Variants in HPSE2 observed in about 807,000 individuals in gnomAD.
HPSE2 encodes inactive heparanase-2.
In HPSE2, 38 loss-of-function variants were observed where a neutral mutation model predicts 60.5. The ratio of observed to expected loss-of-function variants is 0.63; its 90% CI spans 0.48 to 0.82. The LOEUF (loss-of-function observed/expected upper bound fraction) is 0.82, where lower values mean the gene tolerates loss of function less well. HPSE2 is among the 40% of genes least tolerant of loss of function. The probability of loss-of-function intolerance (pLI) is 0.00; values close to 1 mark genes in which losing one functional copy is unlikely to be tolerated. For missense variants in HPSE2, 713 were observed against 740.4 expected, an observed-to-expected ratio of 0.96 and a Z score of 0.43; for synonymous variants, 295 against 293.2, an observed-to-expected ratio of 1.01 and a Z score of -0.06.
At chr10:98,464,834 G>A (rs970298018) in intron 11 of HPSE2, among the ~76,000 whole-genome samples, 1 of 152,164 alleles carries the variant, frequency 6.6e-6, no homozygotes, top group African/African-American at 2.4e-5. Flanking sequence ...TTGTTGGCTT[G>A]TGGAGATGTT....
intron 2 of HPSE2, among the ~76,000 whole-genome samples, chr10:99,150,979 T>G (rs1199702621): frequency 1.3e-5 from 2 of 151,968 alleles, no homozygotes; most frequent in Non-Finnish European, 2.9e-5. Flanking sequence ...CTATGCAGAC[T>G]CAGAGGCAAA....
chr10:98,850,948 G>C (rs894320646), intron 3 of HPSE2, among the ~76,000 whole-genome samples: 3 of 152,176 alleles, frequency 2.0e-5, no homozygotes, highest in African/African-American at 7.2e-5. Flanking sequence ...AAATAGATGT[G>C]TAATTAGCAG....
intron 3 of HPSE2, among the ~76,000 whole-genome samples, chr10:98,931,918 G>T (rs904212075): frequency 2.1e-5 from 3 of 143,782 alleles, no homozygotes; most frequent in Non-Finnish European, 4.5e-5. Flanking sequence ...GGCAAACAAA[G>T]ACAATTTGAC....
chr10:98,556,099 C>T (rs1382208830), intron 9 of HPSE2, among the ~76,000 whole-genome samples: 1 of 151,984 alleles, frequency 6.6e-6, no homozygotes, highest in Non-Finnish European at 1.5e-5. Context: ...TATTATTTGC[C>T]ACATGTGCTT....
chr10:98,665,386 T>TC (rs1386620483), intron 6 of HPSE2, among the ~76,000 whole-genome samples: 1 of 152,158 alleles, frequency 6.6e-6, no homozygotes, highest in East Asian at 1.9e-4. Flanking sequence ...CATGAAAATT[T>TC]CCCCAATCTC....
intron 7 of HPSE2, among the ~76,000 whole-genome samples, chr10:98,624,073 T>C (rs1017540793): frequency 3.3e-5 from 5 of 152,200 alleles, no homozygotes; most frequent in Non-Finnish European, 5.9e-5. Context: ...GCACCTACTA[T>C]ATGCCAAGCA....
intron 2 of HPSE2, 119 bp from the exon 3 acceptor site, chr10:99,144,518 C>A: frequency 8.5e-7 from 1 of 1,175,678 alleles, no homozygotes; most frequent in Non-Finnish European, 1.2e-6. Flanking sequence ...GCATTTTCAT[C>A]AACCTAAAGA....
chr10:99,313,771 T>G, the HPSE2 span, among the ~76,000 whole-genome samples: 75,007 of 151,224 alleles, frequency 0.5, 21,614 homozygotes, highest in Non-Finnish European at 0.64. Context: ...AGCTATTTTT[T>G]TTTTATTTTT....
intron 9 of HPSE2, among the ~76,000 whole-genome samples, chr10:98,576,128 T>C (rs901925089): frequency 7.9e-5 from 12 of 152,278 alleles, no homozygotes; most frequent in Non-Finnish European, 1.3e-4. Context: ...GGAATAATAA[T>C]ATATTAAGCT....
chr10:98,830,870 C>A (rs1010035089), intron 3 of HPSE2, among the ~76,000 whole-genome samples: 13 of 152,152 alleles, frequency 8.5e-5, no homozygotes, highest in African/African-American at 3.1e-4. Context: ...CAATTTGATT[C>A]ACAATAGTCC....
chr10:99,301,503 T>C, the HPSE2 span, among the ~76,000 whole-genome samples: 11 of 152,312 alleles, frequency 7.2e-5, no homozygotes, highest in East Asian at 1.9e-4. Flanking sequence ...CCTTCCACCA[T>C]GATTGTGAGG....
chr10:98,819,147 T>C (rs2134603599), intron 3 of HPSE2, among the ~76,000 whole-genome samples: 1 of 152,318 alleles, frequency 6.6e-6, no homozygotes, highest in South Asian at 2.1e-4. Flanking sequence ...ACCCTCTATG[T>C]TCCTTATAGA....
intron 5 of HPSE2, among the ~76,000 whole-genome samples, chr10:98,706,831 G>A (rs541750454): frequency 1.3e-5 from 2 of 152,280 alleles, no homozygotes; most frequent in East Asian, 1.9e-4. Context: ...GCCTTTATAA[G>A]TCTGGCCTTT....
chr10:98,709,750 T>C (rs1948631921), intron 5 of HPSE2, among the ~76,000 whole-genome samples: 1 of 152,224 alleles, frequency 6.6e-6, no homozygotes, highest in Non-Finnish European at 1.5e-5. Flanking sequence ...ATATGATGTA[T>C]CTGAAATATT....
intron 4 of HPSE2, among the ~76,000 whole-genome samples, chr10:98,743,076 G>C (rs1426490357): frequency 6.7e-6 from 1 of 149,554 alleles, no homozygotes; most frequent in Non-Finnish European, 1.5e-5. Context: ...GGGTTCAAGC[G>C]ATTCTCCTGC....
chr10:99,004,483 C>A (rs1023740527), intron 3 of HPSE2, among the ~76,000 whole-genome samples: 2 of 151,864 alleles, frequency 1.3e-5, no homozygotes, highest in African/African-American at 2.4e-5. Context: ...ATAGTTGTAA[C>A]AGGCTCTGTT....
intron 3 of HPSE2, among the ~76,000 whole-genome samples, chr10:99,122,965 CA>C (rs1230428598): frequency 6.6e-6 from 1 of 151,922 alleles, no homozygotes; most frequent in Non-Finnish European, 1.5e-5. Context: ...GAAATAGGTA[CA>C]AATACATGTG....
In HPSE2 at chr10:99,235,842, C is replaced by T. The variant is rs772001098; in HGVS notation, c.-40G>A. ...TTAAACCTCTCTTCCTACTGGGTCT[C>T]GCTAGTGACTAATTGTCCTTATCTA... On this transcript the variant is annotated 5_prime_UTR_variant, in exon 1 of 12. Transcript: ENST00000370552. The T allele has an allele frequency of 9.6e-6, 15 of 1,563,678 alleles. No homozygotes were observed. The South Asian group carries it at 1.3e-4, about 14-fold the overall frequency.
chr10:99,044,519 A>C lies in HPSE2; in HGVS notation c.610+99719T>G, dbSNP rs78894806. ...TCTCACATTTCAAAAGTAACGCTGA[A>C]TGTAAATGAACTGAACACCCCACTT... On this transcript the variant is annotated intron_variant, in intron 3 of 11. Transcript: ENST00000370552. 6.5e-3 allele frequency among the ~76,000 whole-genome samples: 996 copies of C among 152,324 alleles called. 8 individuals carry two copies. Among genetic ancestry groups the C allele is most frequent in the South Asian group, 0.028 (136 of 4,824 alleles).
Sources: gnomAD v4.1 joint callset for allele counts (sites outside exome capture counted in the v4.1 genomes callset) on GRCh38, gnomAD v4.1.1 for gene constraint, MANE v1.5 for transcripts, NCBI Gene and HGNC (gene_info 2026-07-23, HGNC 2026-07-21) for gene names.